Variants in SRGAP1 observed in about 807,000 individuals in gnomAD.
SRGAP1 encodes SLIT-ROBO Rho GTPase-activating protein 1.
SRGAP1 carries 43 observed loss-of-function variants against 121.9 expected under a neutral mutation model. That is an observed-to-expected ratio of 0.35 (90% CI 0.28 to 0.46). The LOEUF is 0.46. Ranked by LOEUF, SRGAP1 falls within the 20% of genes least tolerant of loss-of-function variation. The pLI is 1.00. For synonymous variants in SRGAP1, 447 were observed against 485.4 expected, an observed-to-expected ratio of 0.92 and a Z score of 1.04; for missense variants, 1,102 against 1,350.9, an observed-to-expected ratio of 0.82 and a Z score of 2.89.
intron 6 of SRGAP1, among the ~76,000 whole-genome samples, chr12:64,059,140 C>T (rs1438770490): frequency 6.6e-6 from 1 of 152,040 alleles, no homozygotes; most frequent in African/African-American, 2.4e-5. Flanking sequence ...AGGAGGAAGC[C>T]ACGATGAAAT....
chr12:63,968,502 C>T (rs570621793), intron 1 of SRGAP1, among the ~76,000 whole-genome samples: 2 of 152,264 alleles, frequency 1.3e-5, no homozygotes, highest in Admixed American at 6.5e-5. Flanking sequence ...TGGTCATTAC[C>T]GTCTCTTGTT....
At position 64,128,029 on chromosome 12, in the gene SRGAP1, C is replaced by G. The variant is rs528390646; in HGVS notation, c.2709C>G (p.Asn903Lys). The G allele has an allele frequency of 9.9e-6, 16 of 1,614,188 alleles. No individual in the cohort carries two copies. The African/African-American group carries it at 1.6e-4, about 16-fold the overall frequency. ...PRGLLQNRGL[N>K]NDSPERRRRP... is the part of the protein sequence containing the mutation. ...GCCTGCTGCAGAACCGTGGCCTCAA[C>G]AATGACAGTCCTGAGCGGAGGCGCA... is the stretch of plus-strand genomic sequence containing the variant. The change falls in exon 21 of 22, where the codon AAC (asparagine) becomes AAG (lysine). Residue 903 changes from asparagine to lysine, a missense_variant. Asn to Lys is a moderately conservative substitution (Grantham distance 94). Transcript: ENST00000355086.
At chr12:64,058,646 A>G (rs1211039529) in intron 6 of SRGAP1, among the ~76,000 whole-genome samples, 1 of 152,058 alleles carries the variant, frequency 6.6e-6, no homozygotes, top group Non-Finnish European at 1.5e-5. Context: ...TTGGTTTCTT[A>G]TGTATTTTCA....
intron 21 of SRGAP1, among the ~76,000 whole-genome samples, chr12:64,134,192 C>T (rs887771930): frequency 6.6e-6 from 1 of 152,110 alleles, no homozygotes; most frequent in Middle Eastern, 3.4e-3. Context: ...GAGGCCAAGG[C>T]AGGCAGATCA....
At chr12:63,998,315 A>G (rs2033772504) in intron 3 of SRGAP1, among the ~76,000 whole-genome samples, 1 of 152,232 alleles carries the variant, frequency 6.6e-6, no homozygotes, top group Admixed American at 6.5e-5. Flanking sequence ...GTTTCAAGGC[A>G]TTTCAGCAAG....
At chr12:63,954,647 C>T (rs1381234050) in intron 1 of SRGAP1, among the ~76,000 whole-genome samples, 1 of 136,682 alleles carries the variant, frequency 7.3e-6, no homozygotes, top group Non-Finnish European at 1.5e-5. Context: ...CACTGCACTC[C>T]AGCCTGGGGG....
chr12:64,003,694 G>A (rs1454172164), intron 3 of SRGAP1, among the ~76,000 whole-genome samples: 1 of 151,982 alleles, frequency 6.6e-6, no homozygotes, highest in Non-Finnish European at 1.5e-5. Flanking sequence ...AGAGCCTCAG[G>A]GACTTTGGGA....
chr12:64,108,876 TC>T, intron 15 of SRGAP1, 55 bp from the exon 16 acceptor site: 1 of 1,309,498 alleles, frequency 7.6e-7, no homozygotes, highest in South Asian at 1.3e-5. Flanking sequence ...ACTGCAGTGT[TC>T]TGTTTTAAAT....
At position 64,130,693 on chromosome 12, in the gene SRGAP1, T is replaced by C. The variant is rs142578657; in HGVS notation, c.2880+2493T>C. ...GTAAGACCCATGAATTCCATGAGCA[T>C]GAGCCCACTGCCACTCTTCTTTAGC... On this transcript the variant is annotated intron_variant, in intron 21 of 21. Coordinates refer to ENST00000355086, the MANE Select transcript of SRGAP1 (RefSeq NM_020762.4). 2.3e-4 allele frequency among the ~76,000 whole-genome samples: 35 copies of C among 152,322 alleles called. No homozygotes were observed. The East Asian group carries it at 6.0e-3, about 26-fold the overall frequency.
Position 63,851,949 on chromosome 12 carries a change from G to T in SRGAP1, c.67+7066G>T, listed in dbSNP as rs145910702. 8.7e-4 allele frequency among the ~76,000 whole-genome samples: 133 copies of T among 152,146 alleles called. 1 individual carries two copies. The East Asian group carries it at 0.024, about 27-fold the overall frequency. ...TAATAGTCAACAAATGTTAGTCATT[G>T]TTATCTCTTTAATGCTGGTTTTCTT... On this transcript the variant is annotated intron_variant, in intron 1 of 21. Transcript: ENST00000355086.
Position 64,143,962 on chromosome 12 carries a change from T to A in SRGAP1, c.*1290T>A, listed in dbSNP as rs2037009200. The A allele has an allele frequency of 6.6e-6, 1 of 152,274 alleles. No homozygotes were observed. The highest frequency in any genetic ancestry group is 1.5e-5 in the Non-Finnish European group (1 of 68,096). 9.4% of individuals were successfully genotyped at this position (152,274 alleles called of 1,614,324 possible). A position where few individuals can be genotyped will look rare whatever the true frequency, so the allele number is the denominator to read the frequency against. On this transcript the variant is annotated 3_prime_UTR_variant, in exon 22 of 22. Transcript: ENST00000355086. ...AGTTGTGTACCTCACAACCACAACT[T>A]CTTTTTCTTTGTCCCTTTTCCCCTT... is the stretch of plus-strand genomic sequence containing the variant.
chr12:63,894,492 CT>C (rs1900688483), intron 1 of SRGAP1, among the ~76,000 whole-genome samples: 1 of 150,404 alleles, frequency 6.6e-6, no homozygotes, highest in Non-Finnish European at 1.5e-5. Context: ...TTTAATTATA[CT>C]TCAAGTTCTA....
intron 10 of SRGAP1, among the ~76,000 whole-genome samples, chr12:64,082,798 G>A (rs1489387566): frequency 6.6e-6 from 1 of 152,118 alleles, no homozygotes; most frequent in Non-Finnish European, 1.5e-5. Context: ...GTATACCAGG[G>A]ACACAAGCTG....
At chr12:63,859,368 T>C (rs958100212) in intron 1 of SRGAP1, among the ~76,000 whole-genome samples, 1 of 152,114 alleles carries the variant, frequency 6.6e-6, no homozygotes, top group Non-Finnish European at 1.5e-5. Flanking sequence ...GGTTTCACCA[T>C]GTTGAACAGG....
intron 1 of SRGAP1, among the ~76,000 whole-genome samples, chr12:63,976,955 TA>T (rs2033111087): frequency 6.6e-6 from 1 of 151,922 alleles, no homozygotes; most frequent in Admixed American, 6.6e-5. Flanking sequence ...ATGTGCAGAG[TA>T]TAAGAGAAGC....
At chr12:63,975,227 C>A (rs944015582) in intron 1 of SRGAP1, among the ~76,000 whole-genome samples, 1 of 152,212 alleles carries the variant, frequency 6.6e-6, no homozygotes, top group Non-Finnish European at 1.5e-5. Context: ...TCCAGTGTTA[C>A]ACCTCCTCTG....
chr12:63,989,056 C>T (rs536947987), intron 2 of SRGAP1, among the ~76,000 whole-genome samples: 71 of 152,306 alleles, frequency 4.7e-4, no homozygotes, highest in African/African-American at 1.7e-3. Context: ...GCAATCCACC[C>T]GCCTCGGCCT....
chr12:63,921,041 A>C (rs1241233546), intron 1 of SRGAP1, among the ~76,000 whole-genome samples: 1 of 152,196 alleles, frequency 6.6e-6, no homozygotes, highest in African/African-American at 2.4e-5. Context: ...CTTCTTCCTT[A>C]TCTCAGTGAG....
chr12:64,044,304 G>A (rs556397826), intron 6 of SRGAP1, among the ~76,000 whole-genome samples: 2 of 152,126 alleles, frequency 1.3e-5, no homozygotes, highest in South Asian at 4.2e-4. Flanking sequence ...GTAAGAGACT[G>A]CAAAGATGAA....
Sources: allele counts gnomAD v4.1 joint callset (sites outside exome capture counted in the v4.1 genomes callset), GRCh38; gene constraint gnomAD v4.1.1; transcripts MANE v1.5; gene names NCBI Gene and HGNC (gene_info 2026-07-23, HGNC 2026-07-21).